IGFBPL1: variants seen among roughly 807,000 people sequenced by gnomAD.
IGFBPL1 encodes the protein insulin-like growth factor-binding protein-like 1.
In IGFBPL1, 20 loss-of-function variants were observed where a neutral mutation model predicts 23.9. The observed-to-expected ratio is 0.84, with a 90% CI of 0.59 to 1.22. IGFBPL1 has a LOEUF of 1.22. Among genes scored for constraint, IGFBPL1 ranks in the 50% most tolerant of loss-of-function variants. IGFBPL1 has a pLI of 0.00. For synonymous variants in IGFBPL1, 184 were observed against 171.8 expected (o/e 1.07, Z -0.56); for missense variants, 436 against 379.3 (o/e 1.15, Z -1.24).
chr9:38,411,359 G>A (rs900278026), intron 4 of IGFBPL1, 32 bp downstream of exon 4: 2 of 1,583,266 alleles, frequency 1.3e-6, no homozygotes, highest in Non-Finnish European at 1.7e-6. Flanking sequence ...TAACATGGGT[G>A]TAAAATACTG....
chr9:38,419,980 C>T (rs760779537), intron 1 of IGFBPL1, among the ~76,000 whole-genome samples: 14 of 152,118 alleles, frequency 9.2e-5, no homozygotes, highest in Non-Finnish European at 1.8e-4. Context: ...GCCTCGAACT[C>T]CTGGGCTCAA....
At chr9:38,414,788 G>A (rs1475047651) in intron 1 of IGFBPL1, among the ~76,000 whole-genome samples, 2 of 152,108 alleles carry the variant, frequency 1.3e-5, no homozygotes, top group Non-Finnish European at 2.9e-5. Context: ...CCCAGAAGCC[G>A]ACCCAAGCCT....
intron 1 of IGFBPL1, among the ~76,000 whole-genome samples, chr9:38,419,889 C>CTTT (rs200035871): frequency 6.9e-6 from 1 of 144,412 alleles, no homozygotes; most frequent in African/African-American, 2.6e-5. Flanking sequence ...CCTCCTCCTC[C>CTTT]TCCTTCTTCT....
rs1337603364 is a variant in IGFBPL1, at chr9:38,414,190, G to T, written c.474C>A (p.Val158=). ...CGTTGTGAACACTTCGGGGAGGAAC[G>T]ACGACCACAGGAGCTAGGAGGAGGA... ...DGPCEFAPVV[V]VPPRSVHNVT... Residue 158 remains valine (V), a synonymous_variant, in exon 2 of 5, where the codon GTC becomes GTA. Transcript: ENST00000377694. 6.2e-7 allele frequency: 1 copy of T among 1,602,310 alleles called. No individual in the cohort carries two copies. Among genetic ancestry groups the T allele is most frequent in the Non-Finnish European group, 8.5e-7 (1 of 1,174,218 alleles).
In IGFBPL1 at chr9:38,408,329, G is replaced by A. The variant is rs1163023131; in HGVS notation, c.*898C>T. Among the ~76,000 whole-genome samples the A allele has an allele frequency of 1.3e-5, 2 of 151,528 alleles. No individual in the cohort carries two copies. The highest frequency in any genetic ancestry group is 3.9e-4 in the East Asian group (2 of 5,158). On this transcript the variant is annotated 3_prime_UTR_variant, in exon 5 of 5. Transcript: ENST00000377694. ...TGTGGTCCCAGCTACTCAGGAGGCTGAGGTGGAACGATCACTCGAGCCCAG... is the reference window on the plus strand; with the variant it reads ...TGTGGTCCCAGCTACTCAGGAGGCTAAGGTGGAACGATCACTCGAGCCCAG...
Position 38,414,247 on chromosome 9 carries a change from T to C in IGFBPL1, c.461-44A>G, listed in dbSNP as rs190877367. The C allele has an allele frequency of 2.3e-3, 2,868 of 1,250,786 alleles. 21 individuals are homozygous for C. Among genetic ancestry groups the C allele is most frequent in the Non-Finnish European group, 1.4e-3 (1,276 of 884,196 alleles). 77.5% of individuals were successfully genotyped at this position (1,250,786 alleles called of 1,614,324 possible). A position where few individuals can be genotyped will look rare whatever the true frequency, so the allele number is the denominator to read the frequency against. ...GAGACGCAGCCTTTACCCTGCAGGG[T>C]TCCAAGCAACCCACCTCTAAATTCC... On this transcript the variant is annotated intron_variant, in intron 1 of 4. Transcript: ENST00000377694.
intron 1 of IGFBPL1, among the ~76,000 whole-genome samples, chr9:38,415,885 CTCTA>C (rs897895267): frequency 6.6e-6 from 1 of 152,142 alleles, no homozygotes; most frequent in African/African-American, 2.4e-5. Context: ...TTTCCTCCCC[CTCTA>C]TCTGATCCAC....
chr9:38,421,635 T>G (rs1318947497), intron 1 of IGFBPL1, among the ~76,000 whole-genome samples: 2 of 152,182 alleles, frequency 1.3e-5, no homozygotes, highest in Non-Finnish European at 2.9e-5. Flanking sequence ...CAGTCTGTTT[T>G]CCTTCAACCG....
Position 38,424,107 on chromosome 9 carries a change from G to T in IGFBPL1, c.318C>A (p.Cys106Ter), listed in dbSNP as rs112635150. 2 of 1,349,592 alleles carry T rather than the reference G, an allele frequency of 1.5e-6. No homozygotes were observed. Among genetic ancestry groups the T allele is most frequent in the Admixed American group, 7.0e-5 (2 of 28,714 alleles). 83.6% of individuals were successfully genotyped at this position (1,349,592 alleles called of 1,614,324 possible). ...AGAAPEGTGLCVCAQRGTVCG... is the reference protein window; with the variant it reads ...AGAAPEGTGL ...AGACGGTGCCGCGCTGCGCGCACAC[G>T]CAGAGCCCGGTGCCCTCGGGCGCTG... Residue 106 changes from cysteine to a stop codon, truncating the protein, a stop_gained, in exon 1 of 5, where the codon TGC becomes TGA. Coordinates refer to ENST00000377694, the MANE Select transcript of IGFBPL1 (RefSeq NM_001007563.3). LOFTEE classifies it high-confidence loss of function.
chr9:38,408,151 T>C lies in IGFBPL1; in HGVS notation c.*1076A>G, dbSNP rs1821455713. ...AGGCTAGGCCAAGCACAGTGGCTGA[T>C]GCCTATAATCCCAGCACTTTGGGAG... On this transcript the variant is annotated 3_prime_UTR_variant, in exon 5 of 5. Coordinates refer to ENST00000377694, the MANE Select transcript of IGFBPL1 (RefSeq NM_001007563.3). Among the ~76,000 whole-genome samples the C allele has an allele frequency of 1.3e-5, 2 of 148,878 alleles. No homozygotes were observed. Among genetic ancestry groups the C allele is most frequent in the Non-Finnish European group, 3.0e-5 (2 of 67,690 alleles).
intron 4 of IGFBPL1, among the ~76,000 whole-genome samples, chr9:38,410,340 AG>A (rs1376239222): frequency 7.2e-5 from 11 of 152,046 alleles, no homozygotes; most frequent in African/African-American, 2.7e-4. Flanking sequence ...AAAATTAGCC[AG>A]GTGTGGTGGC....
intron 3 of IGFBPL1, among the ~76,000 whole-genome samples, chr9:38,412,226 G>A (rs988975891): frequency 5.3e-5 from 8 of 152,168 alleles, no homozygotes; most frequent in Non-Finnish European, 1.2e-4. Flanking sequence ...GCTGGTGTAC[G>A]CACATCAGCT....
rs928768792 is a variant in IGFBPL1, at chr9:38,420,625, G to T, written c.460+3340C>A. ...GAGGCGGGCAGATCATGAGGTAGGAGATCAAGACCATCCTGACTAACACAG... is the reference window on the plus strand; with the variant it reads ...GAGGCGGGCAGATCATGAGGTAGGATATCAAGACCATCCTGACTAACACAG... On this transcript the variant is annotated intron_variant, in intron 1 of 4. Coordinates refer to ENST00000377694, the MANE Select transcript of IGFBPL1 (RefSeq NM_001007563.3). 2.6e-5 allele frequency among the ~76,000 whole-genome samples: 4 copies of T among 152,192 alleles called. No homozygotes were observed. In the South Asian group the frequency reaches 8.3e-4, roughly 31 times the overall value.
chr9:38,415,437 G>T (rs1227794792), intron 1 of IGFBPL1, among the ~76,000 whole-genome samples: 1 of 152,142 alleles, frequency 6.6e-6, no homozygotes, highest in Non-Finnish European at 1.5e-5. Flanking sequence ...GACGGACAGC[G>T]TCGCATCACA....
chr9:38,423,070 A>G lies in IGFBPL1; in HGVS notation c.460+895T>C, dbSNP rs79994392. ...AACTCAGCACTGCCCACTCCAGGCAAAGTACACAGCGGCACTTCAAAACCT... is the reference window on the plus strand; with the variant it reads ...AACTCAGCACTGCCCACTCCAGGCAGAGTACACAGCGGCACTTCAAAACCT... On this transcript the variant is annotated intron_variant, in intron 1 of 4. Coordinates refer to ENST00000377694, the MANE Select transcript of IGFBPL1 (RefSeq NM_001007563.3). Among the ~76,000 whole-genome samples, 365 of 152,304 alleles carry G rather than the reference A, an allele frequency of 2.4e-3. 2 individuals are homozygous for G. The highest frequency in any genetic ancestry group is 8.5e-3 in the African/African-American group (354 of 41,564).
chr9:38,412,983 C>A (rs528438588), intron 3 of IGFBPL1, among the ~76,000 whole-genome samples: 1 of 152,202 alleles, frequency 6.6e-6, no homozygotes, highest in Non-Finnish European at 1.5e-5. Flanking sequence ...CCTCCCACCA[C>A]CTTGCCATGT....
At chr9:38,413,114 A>G in intron 3 of IGFBPL1, 123 bp downstream of exon 3, 1 of 691,048 alleles carries the variant, frequency 1.4e-6, no homozygotes, top group East Asian at 2.7e-5. Context: ...CCTGCCTCAC[A>G]GTTACTGGAG....
In IGFBPL1 at chr9:38,424,387, A is replaced by G; in HGVS notation, c.38T>C (p.Leu13Pro). 1.5e-6 allele frequency: 1 copy of G among 656,908 alleles called. No individual in the cohort carries two copies. The allele number at this position is 656,908 out of a possible 1,614,324, so 40.7% of individuals were successfully genotyped here. A position where few individuals can be genotyped will look rare whatever the true frequency, so the allele number is the denominator to read the frequency against. The change falls in exon 1 of 5, where the codon CTG becomes CCG. Residue 13 changes from leucine to proline, a missense_variant. Transcript: ENST00000377694. The stretch of plus-strand genomic sequence containing the variant: ...CGGCGGCAGCAGCGGCAGCAGCAGC[A>G]GAAGCAGCAGCGGCAAGAGCAGAGA... ...RLSLLLPLLL[L>P]LLLPLLPPLS...
In IGFBPL1 at chr9:38,408,253, C is replaced by CAAAAAAAAAAAAAA. The variant is rs35229194; in HGVS notation, c.*960_*973dup. Among the ~76,000 whole-genome samples the CAAAAAAAAAAAAAA allele has an allele frequency of 1.4e-5, 1 of 70,178 alleles. No homozygotes were observed. Among genetic ancestry groups the CAAAAAAAAAAAAAA allele is most frequent in the Non-Finnish European group, 2.8e-5 (1 of 35,766 alleles). The allele number at this position is 70,178 out of a possible 152,430, so 46.0% of individuals were successfully genotyped here. On this transcript the variant is annotated 3_prime_UTR_variant, in exon 5 of 5. Coordinates refer to ENST00000377694, the MANE Select transcript of IGFBPL1 (RefSeq NM_001007563.3). ...GCAACATAGGGAGACCCTGTCTCTA[C>CAAAAAAAAAAAAAA]AAAAAAAAAAAAAAAAAAAAAAAAA... is the stretch of plus-strand genomic sequence containing the variant.
Sources: gnomAD v4.1 joint callset for allele counts (sites outside exome capture counted in the v4.1 genomes callset) on GRCh38, gnomAD v4.1.1 for gene constraint, MANE v1.5 for transcripts, NCBI Gene and HGNC (gene_info 2026-07-23, HGNC 2026-07-21) for gene names.